Variants in LPP observed in about 807,000 individuals in gnomAD.
LPP encodes lipoma-preferred partner.
In LPP, 38 loss-of-function variants were observed where a neutral mutation model predicts 60.4. The observed-to-expected ratio is 0.63, with a 90% confidence interval of 0.49 to 0.83. The LOEUF is 0.83. Among genes scored for constraint, LPP ranks in the 40% least tolerant of loss-of-function variants. LPP has a pLI of 0.00. For synonymous variants in LPP, 328 were observed against 290.8 expected (o/e 1.13, Z -1.30); for missense variants, 902 against 783.6 (o/e 1.15, Z -1.80).
chr3:188,648,124 T>C (rs1851437631), intron 7 of LPP, among the ~76,000 whole-genome samples: 1 of 152,226 alleles, frequency 6.6e-6, no homozygotes, highest in African/African-American at 2.4e-5. Flanking sequence ...CATTAATATG[T>C]TGGTGCTCTG....
At chr3:188,538,818 G>C (rs971716636) in intron 6 of LPP, among the ~76,000 whole-genome samples, 1 of 152,086 alleles carries the variant, frequency 6.6e-6, no homozygotes, top group Non-Finnish European at 1.5e-5. Context: ...AAAATGTGGT[G>C]TATCCATACA....
At chr3:188,442,638 C>T (rs761078056) in intron 4 of LPP, among the ~76,000 whole-genome samples, 1 of 152,068 alleles carries the variant, frequency 6.6e-6, no homozygotes, top group Non-Finnish European at 1.5e-5. Flanking sequence ...TGAGGTGTGA[C>T]CGTGGTATTT....
chr3:188,495,652 T>C (rs545294575), intron 5 of LPP, among the ~76,000 whole-genome samples: 1 of 152,326 alleles, frequency 6.6e-6, no homozygotes, highest in East Asian at 1.9e-4. Flanking sequence ...TAGCACATCT[T>C]CCATCCTGGC....
At chr3:188,269,774 C>G (rs1349910443) in intron 2 of LPP, among the ~76,000 whole-genome samples, 1 of 151,888 alleles carries the variant, frequency 6.6e-6, no homozygotes, top group Non-Finnish European at 1.5e-5. Flanking sequence ...CCTCAGGCTT[C>G]CCAGTAGCTG....
chr3:188,401,601 T>A (rs1782256635), intron 3 of LPP, among the ~76,000 whole-genome samples: 1 of 152,228 alleles, frequency 6.6e-6, no homozygotes, highest in African/African-American at 2.4e-5. Context: ...GAGTAAAGAA[T>A]AAGAATCTGA....
intron 9 of LPP, among the ~76,000 whole-genome samples, chr3:188,779,733 G>A (rs1303655607): frequency 6.6e-6 from 1 of 151,920 alleles, no homozygotes; most frequent in Non-Finnish European, 1.5e-5. Context: ...ATCTCTAAAG[G>A]TTAAAAAGTT....
At chr3:188,708,167 T>G (rs909176382) in intron 7 of LPP, 100 bp from the exon 8 acceptor site, 18 of 1,362,418 alleles carry the variant, frequency 1.3e-5, no homozygotes, top group Non-Finnish European at 1.7e-5. Context: ...CCACGTCCAG[T>G]GCTTTTTCCT....
chr3:188,334,804 C>G (rs1384507860), intron 2 of LPP, among the ~76,000 whole-genome samples: 2 of 152,142 alleles, frequency 1.3e-5, no homozygotes, highest in Admixed American at 1.3e-4. Context: ...ACATTCCCAC[C>G]AACAGTGTAT....
At chr3:188,635,104 C>T (rs1296349205) in intron 7 of LPP, among the ~76,000 whole-genome samples, 3 of 152,172 alleles carry the variant, frequency 2.0e-5, no homozygotes, top group Middle Eastern at 3.4e-3. Context: ...TTGTGAGTTG[C>T]AAACTTTATG....
At chr3:188,371,997 T>C (rs1383641201) in intron 3 of LPP, among the ~76,000 whole-genome samples, 4 of 151,486 alleles carry the variant, frequency 2.6e-5, no homozygotes, top group Non-Finnish European at 5.9e-5. Context: ...TTTTCTTTTT[T>C]TTTTTCTCCC....
At chr3:188,591,667 G>A (rs1230993411) in intron 6 of LPP, among the ~76,000 whole-genome samples, 2 of 152,090 alleles carry the variant, frequency 1.3e-5, no homozygotes, top group Non-Finnish European at 2.9e-5. Context: ...GCATATGGCT[G>A]CCAGATTAAT....
chr3:188,497,121 T>A (rs1038379211), intron 5 of LPP, among the ~76,000 whole-genome samples: 1 of 152,112 alleles, frequency 6.6e-6, no homozygotes, highest in African/African-American at 2.4e-5. Flanking sequence ...ATGAGAGGCT[T>A]AAAAAATGAA....
chr3:188,703,760 A>G (rs1864941954), intron 7 of LPP, among the ~76,000 whole-genome samples: 1 of 152,246 alleles, frequency 6.6e-6, no homozygotes, highest in Non-Finnish European at 1.5e-5. Context: ...GAGAACAAAA[A>G]GAATGATAAC....
chr3:188,317,323 T>C (rs1755373268), intron 2 of LPP, among the ~76,000 whole-genome samples: 1 of 151,984 alleles, frequency 6.6e-6, no homozygotes, highest in Non-Finnish European at 1.5e-5. Flanking sequence ...ATTAATGGTG[T>C]GTTATTATTC....
chr3:188,459,041 C>T (rs1251352021), intron 4 of LPP, among the ~76,000 whole-genome samples: 1 of 152,112 alleles, frequency 6.6e-6, no homozygotes, highest in East Asian at 1.9e-4. Context: ...TCCTTTTGTA[C>T]TGAAGCCCAA....
intron 2 of LPP, among the ~76,000 whole-genome samples, chr3:188,330,424 C>A (rs1293472321): frequency 6.6e-6 from 1 of 152,098 alleles, no homozygotes; most frequent in Non-Finnish European, 1.5e-5. Context: ...TTTCCTAGTT[C>A]TCATTCACCG....
chr3:188,191,084 G>A (rs377360661), intron 1 of LPP, among the ~76,000 whole-genome samples: 1 of 152,132 alleles, frequency 6.6e-6, no homozygotes, highest in East Asian at 1.9e-4. Flanking sequence ...ACAAAAATTA[G>A]CTGGGAGTGG....
At chr3:188,484,831 T>C (rs954392920) in intron 5 of LPP, 127 bp downstream of exon 5, 21 of 680,352 alleles carry the variant, frequency 3.1e-5, no homozygotes, top group African/African-American at 2.1e-4. Flanking sequence ...CCAGAGCCTA[T>C]TGAGAGCTTT....
chr3:188,747,066 A>T (rs1000642760), intron 8 of LPP, among the ~76,000 whole-genome samples: 11 of 152,184 alleles, frequency 7.2e-5, no homozygotes, highest in African/African-American at 2.4e-4. Context: ...TATTTATTTT[A>T]TAAAAGGGAG....
Sources: allele counts gnomAD v4.1 joint callset (sites outside exome capture counted in the v4.1 genomes callset), GRCh38; gene constraint gnomAD v4.1.1; transcripts MANE v1.5; gene names NCBI Gene and HGNC (gene_info 2026-07-23, HGNC 2026-07-21).